PALM2AKAP2: variants seen among roughly 807,000 people sequenced by gnomAD.
PALM2AKAP2 encodes PALM2-AKAP2 fusion protein.
A neutral mutation model predicts 71.5 loss-of-function variants in PALM2AKAP2; 37 were observed. The observed-to-expected ratio is 0.52, with a 90% CI of 0.40 to 0.68. The LOEUF (loss-of-function observed/expected upper bound fraction) is 0.68, where lower values mean the gene tolerates loss of function less well. Ranked by LOEUF, PALM2AKAP2 falls within the 30% of genes least tolerant of loss-of-function variation. PALM2AKAP2 has a pLI of 0.00. For missense variants in PALM2AKAP2, 1,224 were observed against 1,191.8 expected, an observed-to-expected ratio of 1.03 and a Z score of -0.40; for synonymous variants, 468 against 478.8, an observed-to-expected ratio of 0.98 and a Z score of 0.29.
chr9:109,681,210 T>A (rs979300027), intron 1 of PALM2AKAP2, among the ~76,000 whole-genome samples: 1 of 152,218 alleles, frequency 6.6e-6, no homozygotes, highest in Non-Finnish European at 1.5e-5. Flanking sequence ...GTCTATGAGC[T>A]CATTGAGGAC....
chr9:109,721,993 A>G (rs1006234643), intron 1 of PALM2AKAP2, among the ~76,000 whole-genome samples: 1 of 152,352 alleles, frequency 6.6e-6, no homozygotes, highest in South Asian at 2.1e-4. Flanking sequence ...CAAATTTATT[A>G]GCCTATTCTT....
intron 1 of PALM2AKAP2, among the ~76,000 whole-genome samples, chr9:110,126,193 G>GACAGAGGGTTAACCACAAATGCATCTGGC (rs1257234351): frequency 8.9e-4 from 136 of 152,290 alleles, no homozygotes; most frequent in Middle Eastern, 3.4e-3. Flanking sequence ...ATCATCTGTA[G>GACAGAGGGTTAACCACAAATGCATCTGGC]ACAGAGGGTT....
chr9:110,096,805 C>CCAGGACAG (rs1425930288), intron 1 of PALM2AKAP2, among the ~76,000 whole-genome samples: 1 of 151,558 alleles, frequency 6.6e-6, no homozygotes. Context: ...GGGGGTGAGT[C>CCAGGACAG]CAGGACAGCA....
At chr9:109,714,032 C>T (rs1247725699) in intron 1 of PALM2AKAP2, among the ~76,000 whole-genome samples, 1 of 152,190 alleles carries the variant, frequency 6.6e-6, no homozygotes, top group Non-Finnish European at 1.5e-5. Flanking sequence ...AAGCCTAATA[C>T]TGCAGAAAGA....
At chr9:110,154,527 T>C (rs1230383802) in intron 2 of PALM2AKAP2, among the ~76,000 whole-genome samples, 2 of 152,228 alleles carry the variant, frequency 1.3e-5, no homozygotes, top group Non-Finnish European at 2.9e-5. Context: ...AAAATCTTGA[T>C]AAATGTTTAC....
intron 6 of PALM2AKAP2, among the ~76,000 whole-genome samples, chr9:109,992,324 A>G (rs563618534): frequency 4.7e-4 from 72 of 152,312 alleles, no homozygotes; most frequent in African/African-American, 1.7e-3. Flanking sequence ...TGATGACCTC[A>G]TCTTAACTTG....
chr9:109,817,295 C>T (rs1827877929), intron 1 of PALM2AKAP2, among the ~76,000 whole-genome samples: 1 of 152,142 alleles, frequency 6.6e-6, no homozygotes, highest in South Asian at 2.1e-4. Flanking sequence ...TAGGAGTTTC[C>T]CATGCATATG....
chr9:110,093,891 T>G (rs897838908), intron 1 of PALM2AKAP2, among the ~76,000 whole-genome samples: 1 of 152,236 alleles, frequency 6.6e-6, no homozygotes, highest in Non-Finnish European at 1.5e-5. Context: ...AGAATTCCTC[T>G]TCTATACTCT....
chr9:110,139,040 C>G (rs1835966176), intron 2 of PALM2AKAP2, among the ~76,000 whole-genome samples: 1 of 152,204 alleles, frequency 6.6e-6, no homozygotes, highest in Non-Finnish European at 1.5e-5. Flanking sequence ...GCAGACTGGT[C>G]CATGCAAAAT....
At chr9:109,843,358 A>G (rs1828762040) in intron 1 of PALM2AKAP2, among the ~76,000 whole-genome samples, 1 of 150,892 alleles carries the variant, frequency 6.6e-6, no homozygotes, top group African/African-American at 2.4e-5. Context: ...AAAGATTTAC[A>G]TCTCCTCTCA....
chr9:109,721,960 C>G (rs1828412635), intron 1 of PALM2AKAP2, among the ~76,000 whole-genome samples: 1 of 152,174 alleles, frequency 6.6e-6, no homozygotes, highest in South Asian at 2.1e-4. Flanking sequence ...ACTTTTAATG[C>G]ATCCCTATTA....
chr9:109,725,296 T>C (rs1828460040), intron 1 of PALM2AKAP2, among the ~76,000 whole-genome samples: 1 of 152,222 alleles, frequency 6.6e-6, no homozygotes, highest in Non-Finnish European at 1.5e-5. Flanking sequence ...GGACTTTTCT[T>C]GCATGAATTT....
At chr9:109,702,729 C>A (rs1033244191) in intron 1 of PALM2AKAP2, among the ~76,000 whole-genome samples, 1 of 149,534 alleles carries the variant, frequency 6.7e-6, no homozygotes, top group African/African-American at 2.5e-5. Flanking sequence ...TGCACATGTG[C>A]CCTAAAACTT....
intron 3 of PALM2AKAP2, among the ~76,000 whole-genome samples, chr9:109,911,386 T>A (rs918973107): frequency 6.6e-6 from 1 of 152,204 alleles, no homozygotes; most frequent in East Asian, 1.9e-4. Flanking sequence ...ATAGTGTGAG[T>A]CATGTGATTC....
At chr9:109,962,642 AT>A (rs397894684) in intron 6 of PALM2AKAP2, among the ~76,000 whole-genome samples, 5,460 of 142,818 alleles carry the variant, frequency 0.038, 139 homozygotes, top group East Asian at 0.16. Flanking sequence ...AACTGTGCCA[AT>A]TTTTTTTTTT....
intron 1 of PALM2AKAP2, among the ~76,000 whole-genome samples, chr9:109,674,622 A>G (rs1409148417): frequency 6.6e-6 from 1 of 152,032 alleles, no homozygotes; most frequent in Non-Finnish European, 1.5e-5. Context: ...GGGAAGTCCA[A>G]GGTGTTCAAC....
At chr9:109,861,092 G>A (rs1017844462) in intron 1 of PALM2AKAP2, among the ~76,000 whole-genome samples, 37 of 152,226 alleles carry the variant, frequency 2.4e-4, no homozygotes, top group African/African-American at 7.7e-4. Context: ...CCTGGGGCGC[G>A]AGGTATCAGC....
intron 1 of PALM2AKAP2, among the ~76,000 whole-genome samples, chr9:110,067,754 G>A (rs1185538411): frequency 3.9e-5 from 6 of 152,174 alleles, no homozygotes; most frequent in Admixed American, 3.9e-4. Context: ...GAAAATGCTG[G>A]CTAAAACTGA....
chr9:109,872,533 C>T (rs1469726753), intron 2 of PALM2AKAP2, among the ~76,000 whole-genome samples: 1 of 152,186 alleles, frequency 6.6e-6, no homozygotes, highest in Non-Finnish European at 1.5e-5. Flanking sequence ...ACATAAACTG[C>T]CTTTGAATTA....
Sources: allele counts gnomAD v4.1 joint callset (sites outside exome capture counted in the v4.1 genomes callset), GRCh38; gene constraint gnomAD v4.1.1; transcripts MANE v1.5; gene names NCBI Gene and HGNC (gene_info 2026-07-23, HGNC 2026-07-21).